DOCK8: variants seen among roughly 807,000 people sequenced by gnomAD.
The protein encoded by DOCK8 is dedicator of cytokinesis 8.
Under a neutral mutation model 245.6 loss-of-function variants are expected in DOCK8, and 141 were observed. The observed-to-expected ratio is 0.57, with a 90% CI of 0.50 to 0.66. The LOEUF is 0.66. DOCK8 is among the 30% of genes least tolerant of loss of function. The pLI is 0.00. For missense variants in DOCK8, 2,965 were observed against 2,603.4 expected, an observed-to-expected ratio of 1.14 and a Z score of -3.02; for synonymous variants, 1,168 against 970.2, an observed-to-expected ratio of 1.20 and a Z score of -3.79.
intron 33 of DOCK8, among the ~76,000 whole-genome samples, chr9:424,702 G>T (rs939113203): frequency 2.0e-5 from 3 of 152,146 alleles, no homozygotes; most frequent in Non-Finnish European, 4.4e-5. Flanking sequence ...GAGCCACTGC[G>T]CCTGGTCAGA....
At chr9:386,298 G>A (rs369245715) in intron 22 of DOCK8, 33 bp from the exon 23 acceptor site, 7 of 1,582,274 alleles carry the variant, frequency 4.4e-6, no homozygotes, top group Non-Finnish European at 6.1e-6. Context: ...TCCATGGTTG[G>A]TTGACTGTTA....
chr9:246,486 G>A (rs1199980737), intron 1 of DOCK8, among the ~76,000 whole-genome samples: 4 of 151,548 alleles, frequency 2.6e-5, no homozygotes, highest in Non-Finnish European at 4.4e-5. Context: ...CTGCACTCCA[G>A]TCTGGGTGAC....
intron 1 of DOCK8, among the ~76,000 whole-genome samples, chr9:217,929 A>T (rs150888016): frequency 9.9e-5 from 15 of 152,284 alleles, no homozygotes; most frequent in African/African-American, 3.4e-4. Context: ...AATTGGGCCG[A>T]TTGTTATTTT....
intron 14 of DOCK8, among the ~76,000 whole-genome samples, chr9:361,892 C>T (rs1241244982): frequency 6.6e-6 from 1 of 152,114 alleles, no homozygotes; most frequent in Non-Finnish European, 1.5e-5. Flanking sequence ...ATATTTACAG[C>T]CCTGTCAAAG....
Position 376,231 on chromosome 9 carries a change from C to T in DOCK8, c.2131C>T (p.Pro711Ser). ...SAEKVPLQNPPIKWAEGHKGV... is the reference protein window; with the variant it reads ...SAEKVPLQNPSIKWAEGHKGV... ...ACAGAAAGTCCCATTACAGAATCCT[C>T]CCATTAAGTGGGCTGAAGGACATAA... Residue 711 changes from proline to serine, a missense_variant, in exon 19 of 48, where the codon CCC (proline) becomes TCC (serine). Pro to Ser is a moderately conservative substitution (Grantham distance 74). This residue lies in a region of DOCK8 where 2,825 missense variants were observed against 2,453.5 expected (regional missense o/e 1.15). Transcript: ENST00000432829. The T allele has an allele frequency of 1.2e-6, 2 of 1,612,286 alleles. No individual in the cohort carries two copies.
Position 463,486 on chromosome 9 carries a change from T to C in DOCK8, c.6069-31T>C, listed in dbSNP as rs376619034. ...GATTTCTAAGCACTTCAAAGTCATT[T>C]ATTTCTCCCACACTGATATTTTCAT... On this transcript the variant is annotated intron_variant, in intron 46 of 47. Transcript: ENST00000432829. 20 of 1,613,588 alleles carry C rather than the reference T, an allele frequency of 1.2e-5. No homozygotes were observed. The African/African-American group carries it at 2.1e-4, about 17-fold the overall frequency.
intron 46 of DOCK8, chr9:454,528 C>T: frequency 6.6e-6 from 1 of 151,100 alleles, no homozygotes; most frequent in Non-Finnish European, 1.5e-5. Context: ...CCAGCAGGAC[C>T]ACGAGACTCT....
chr9:305,342 G>A (rs2049772218), intron 5 of DOCK8, among the ~76,000 whole-genome samples: 1 of 151,730 alleles, frequency 6.6e-6, no homozygotes, highest in Non-Finnish European at 1.5e-5. Context: ...GACTGCAGTG[G>A]CACGATCTTG....
intron 28 of DOCK8, among the ~76,000 whole-genome samples, chr9:413,267 C>G (rs529114719): frequency 6.6e-6 from 1 of 152,096 alleles, no homozygotes; most frequent in African/African-American, 2.4e-5. Context: ...TCAAATAGAT[C>G]AAAGACCTAA....
chr9:300,001 G>A (rs1183652542), intron 4 of DOCK8, among the ~76,000 whole-genome samples: 2 of 142,954 alleles, frequency 1.4e-5, no homozygotes, highest in Non-Finnish European at 3.0e-5. Flanking sequence ...CAGCCTGGGC[G>A]ACAGTGAGAC....
At chr9:307,504 A>G (rs529388905) in intron 5 of DOCK8, among the ~76,000 whole-genome samples, 2 of 151,790 alleles carry the variant, frequency 1.3e-5, no homozygotes, top group East Asian at 1.9e-4. Flanking sequence ...GATTACAGAC[A>G]TGCGCCACCA....
At chr9:359,918 CAG>C (rs939703931) in intron 14 of DOCK8, among the ~76,000 whole-genome samples, 4 of 150,922 alleles carry the variant, frequency 2.7e-5, no homozygotes, top group African/African-American at 7.3e-5. Context: ...TTTAGAAAAA[CAG>C]AGCTTTTTAT....
chr9:420,639 G>A (rs1586981190), intron 31 of DOCK8, 56 bp downstream of exon 31: 1 of 1,604,418 alleles, frequency 6.2e-7, no homozygotes, highest in Non-Finnish European at 8.5e-7. Context: ...TTGCAATTCT[G>A]TCTTCTTACT....
intron 24 of DOCK8, among the ~76,000 whole-genome samples, chr9:396,062 AT>A (rs1275353626): frequency 2.0e-5 from 3 of 152,114 alleles, no homozygotes; most frequent in Non-Finnish European, 4.4e-5. Context: ...GTATATAGAT[AT>A]TTTTGTGTCA....
chr9:451,962 T>G, intron 45 of DOCK8, 49 bp from the exon 46 acceptor site: 1 of 349,518 alleles, frequency 2.9e-6, no homozygotes, highest in East Asian at 4.9e-5. Context: ...TGTGTATATA[T>G]ATATATATAT....
At chr9:240,556 C>G (rs1216659059) in intron 1 of DOCK8, among the ~76,000 whole-genome samples, 1 of 152,074 alleles carries the variant, frequency 6.6e-6, no homozygotes, top group Non-Finnish European at 1.5e-5. Flanking sequence ...ATAAGGTCAC[C>G]TAGAAGAGCT....
At chr9:415,051 C>G in intron 29 of DOCK8, 100 bp downstream of exon 29, 1 of 1,499,902 alleles carries the variant, frequency 6.7e-7, no homozygotes, top group Non-Finnish European at 9.2e-7. Context: ...CTGATATGTT[C>G]ATATGAGCAA....
At chr9:421,329 G>A (rs2056270203) in intron 32 of DOCK8, among the ~76,000 whole-genome samples, 1 of 152,182 alleles carries the variant, frequency 6.6e-6, no homozygotes, top group Non-Finnish European at 1.5e-5. Flanking sequence ...AAAACTCGTT[G>A]ATGGTAAAAG....
chr9:460,150 C>CGG (rs2057759083), intron 46 of DOCK8: 1 of 63,506 alleles, frequency 1.6e-5, no homozygotes, highest in Admixed American at 2.2e-4. Flanking sequence ...CCCCATTTTC[C>CGG]AGAGAAAATT....
Sources: allele counts gnomAD v4.1 joint callset (sites outside exome capture counted in the v4.1 genomes callset), GRCh38; gene constraint gnomAD v4.1.1; regional missense constraint gnomAD v4.1.1; transcripts MANE v1.5; gene names NCBI Gene and HGNC (gene_info 2026-07-23, HGNC 2026-07-21).